The following TSNARE1 variants were observed in gnomAD, a reference collection of about 807,000 sequenced individuals.
TSNARE1 encodes the protein t-SNARE domain containing 1.
A neutral mutation model predicts 62.0 loss-of-function variants in TSNARE1; 49 were observed. The observed-to-expected ratio is 0.79, with a 90% CI of 0.63 to 1.00. The LOEUF is 1.00. Ranked by LOEUF, TSNARE1 falls within the 50% of genes least tolerant of loss-of-function variation. The probability of loss-of-function intolerance (pLI) is 0.00; values close to 1 mark genes in which losing one functional copy is unlikely to be tolerated. For synonymous variants in TSNARE1, 328 were observed against 294.4 expected, an observed-to-expected ratio of 1.11 and a Z score of -1.17; for missense variants, 755 against 700.1, an observed-to-expected ratio of 1.08 and a Z score of -0.88.
intron 6 of TSNARE1, among the ~76,000 whole-genome samples, chr8:142,327,655 G>C (rs369671515): frequency 1.4e-4 from 22 of 152,328 alleles, no homozygotes; most frequent in African/African-American, 4.8e-4. Flanking sequence ...GGGATGAACC[G>C]CACACATGGA....
Position 142,386,545 on chromosome 8 carries a change from GA to G in TSNARE1, c.-40+16558del, listed in dbSNP as rs532068619. On this transcript the variant is annotated intron_variant, in intron 1 of 13. Coordinates refer to ENST00000524325, the MANE Select transcript of TSNARE1 (RefSeq NM_145003.5). Reference sequence around the variant, plus strand: ...ACATTAGTTTAACTTCACTAGGCAAGAAAAAAAAAAGATTCCCCAATTGAAT... The same window carrying G: ...ACATTAGTTTAACTTCACTAGGCAAGAAAAAAAAAGATTCCCCAATTGAAT... Among the ~76,000 whole-genome samples, 771 of 146,612 alleles carry G rather than the reference GA, an allele frequency of 5.3e-3. 2 individuals are homozygous for G. The highest frequency in any genetic ancestry group is 9.2e-3 in the Non-Finnish European group (611 of 66,322).
chr8:142,365,600 A>G (rs1835477379), intron 1 of TSNARE1, among the ~76,000 whole-genome samples: 1 of 125,384 alleles, frequency 8.0e-6, no homozygotes, highest in Admixed American at 8.0e-5. Context: ...ACACATGCAC[A>G]CGCACACACA....
At chr8:142,246,051 C>T (rs939335920) in intron 12 of TSNARE1, among the ~76,000 whole-genome samples, 2 of 152,328 alleles carry the variant, frequency 1.3e-5, no homozygotes, top group East Asian at 1.9e-4. Context: ...TCCAAAGACA[C>T]GGCACAGCAG....
intron 1 of TSNARE1, among the ~76,000 whole-genome samples, chr8:142,355,428 TAA>T (rs1834645956): frequency 6.6e-6 from 1 of 152,198 alleles, no homozygotes; most frequent in Non-Finnish European, 1.5e-5. Context: ...TGGCAAACAG[TAA>T]GCACTCAACA....
At chr8:142,256,092 TGTCAGC>T (rs1818512747) in intron 12 of TSNARE1, among the ~76,000 whole-genome samples, 1 of 8,328 alleles carries the variant, frequency 1.2e-4, no homozygotes, top group Non-Finnish European at 2.6e-4. Flanking sequence ...CCACCACCAC[TGTCAGC>T]ATCACCACCA....
intron 1 of TSNARE1, among the ~76,000 whole-genome samples, chr8:142,375,867 G>C (rs940476058): frequency 6.6e-6 from 1 of 152,194 alleles, no homozygotes; most frequent in African/African-American, 2.4e-5. Flanking sequence ...CCAGGCTGGG[G>C]TTCCAACTGA....
rs1448606408 is a variant in TSNARE1, at chr8:142,222,165, TCCAC to T, written c.*11+7304_*11+7307del. ...ATTCACTCACTCACTCATCCACTCA[TCCAC>T]TCACTCACTCATCCACTCACTCATT... On this transcript the variant is annotated intron_variant, in intron 13 of 13. Transcript: ENST00000524325. Among the ~76,000 whole-genome samples, 17 of 96,072 alleles carry T rather than the reference TCCAC, an allele frequency of 1.8e-4. 1 individual carries two copies. The highest frequency in any genetic ancestry group is 2.4e-4 in the Non-Finnish European group (11 of 45,350). The allele number at this position is 96,072 out of a possible 152,430, so 63.0% of individuals were successfully genotyped here. A position where few individuals can be genotyped will look rare whatever the true frequency, so the allele number is the denominator to read the frequency against.
At chr8:142,289,463 C>A (rs1249941499) in intron 10 of TSNARE1, among the ~76,000 whole-genome samples, 1 of 152,222 alleles carries the variant, frequency 6.6e-6, no homozygotes, top group Non-Finnish European at 1.5e-5. Flanking sequence ...GGCGACCGAG[C>A]TGGGGATCTC....
At position 142,314,369 on chromosome 8, in the gene TSNARE1, G is replaced by A; in HGVS notation, c.1131+15C>T. The stretch of plus-strand genomic sequence containing the variant: ...CCCTAACAGCCACTGACCATGGTCA[G>A]TACTCGGCACCCACCTGTTTACTGC... On this transcript the variant is annotated intron_variant, in intron 9 of 13. Coordinates refer to ENST00000524325, the MANE Select transcript of TSNARE1 (RefSeq NM_145003.5). The A allele has an allele frequency of 1.2e-6, 2 of 1,612,410 alleles. No homozygotes were observed. The highest frequency in any genetic ancestry group is 1.7e-6 in the Non-Finnish European group (2 of 1,178,972).
chr8:142,311,163 T>G (rs553577729), intron 9 of TSNARE1, among the ~76,000 whole-genome samples: 247 of 151,142 alleles, frequency 1.6e-3, no homozygotes, highest in African/African-American at 5.8e-3. Flanking sequence ...GGTGGTTGTT[T>G]TTTTTTTTTT....
At chr8:142,222,103 C>T (rs1563754529) in intron 13 of TSNARE1, among the ~76,000 whole-genome samples, 728 of 10,870 alleles carry the variant, frequency 0.067, 43 homozygotes, top group Non-Finnish European at 0.096. Context: ...TCATCCACTC[C>T]ACTCACTCAT....
At chr8:142,309,180 G>A (rs186591556) in intron 9 of TSNARE1, among the ~76,000 whole-genome samples, 2 of 152,264 alleles carry the variant, frequency 1.3e-5, no homozygotes, top group African/African-American at 4.8e-5. Context: ...GCACGCTACA[G>A]GTGCGTTCGG....
chr8:142,267,623 G>C (rs536032482), intron 12 of TSNARE1, among the ~76,000 whole-genome samples: 36 of 152,218 alleles, frequency 2.4e-4, no homozygotes, highest in African/African-American at 8.7e-4. Flanking sequence ...CTAGTGAGGG[G>C]ACCCGGGCTC....
At chr8:142,381,811 A>G (rs2131228392) in intron 1 of TSNARE1, among the ~76,000 whole-genome samples, 1 of 152,276 alleles carries the variant, frequency 6.6e-6, no homozygotes, top group East Asian at 1.9e-4. Flanking sequence ...GCCAGCCCCT[A>G]ATGGAGCAGA....
At chr8:142,214,882 C>G (rs886794126) in intron 13 of TSNARE1, among the ~76,000 whole-genome samples, 2 of 152,194 alleles carry the variant, frequency 1.3e-5, no homozygotes, top group Non-Finnish European at 1.5e-5. Flanking sequence ...GGACTTCCAG[C>G]CTCCAGGGCA....
intron 12 of TSNARE1, among the ~76,000 whole-genome samples, chr8:142,239,101 G>A (rs1460958467): frequency 1.3e-5 from 2 of 152,232 alleles, no homozygotes; most frequent in African/African-American, 4.8e-5. Flanking sequence ...AAGGCCCCCA[G>A]GAAGGGGGAC....
chr8:142,392,458 A>AC (rs1161619664), intron 1 of TSNARE1, among the ~76,000 whole-genome samples: 5 of 152,248 alleles, frequency 3.3e-5, no homozygotes, highest in Admixed American at 2.6e-4. Context: ...CGGGCAGTGT[A>AC]GCAGGTCTGC....
chr8:142,302,349 T>C (rs552659803), intron 9 of TSNARE1, among the ~76,000 whole-genome samples: 12 of 152,186 alleles, frequency 7.9e-5, no homozygotes, highest in African/African-American at 2.9e-4. Context: ...CTTGGCCCAG[T>C]AGGTGTCACC....
chr8:142,360,080 C>G (rs1430877064), intron 1 of TSNARE1, among the ~76,000 whole-genome samples: 1 of 152,174 alleles, frequency 6.6e-6, no homozygotes, highest in Non-Finnish European at 1.5e-5. Context: ...CTGGGCACAG[C>G]AAGAGAGGGA....
Sources: allele counts gnomAD v4.1 joint callset (sites outside exome capture counted in the v4.1 genomes callset), GRCh38; gene constraint gnomAD v4.1.1; transcripts MANE v1.5; gene names NCBI Gene and HGNC (gene_info 2026-07-23, HGNC 2026-07-21).